Variants in NXPH1 observed in about 807,000 individuals in gnomAD.
NXPH1 encodes neurexophilin-1.
Under a neutral mutation model 23.7 loss-of-function variants are expected in NXPH1, and 5 were observed. That is an observed-to-expected ratio of 0.21 (90% confidence interval 0.11 to 0.44). The LOEUF (loss-of-function observed/expected upper bound fraction) is 0.44, where lower values mean the gene tolerates loss of function less well. Among genes scored for constraint, NXPH1 ranks in the 20% least tolerant of loss-of-function variants. The probability of loss-of-function intolerance (pLI) is 0.99; values close to 1 mark genes in which losing one functional copy is unlikely to be tolerated. For synonymous variants in NXPH1, 144 were observed against 122.2 expected (o/e 1.18, Z -1.18); for missense variants, 324 against 321.6 (o/e 1.01, Z -0.06).
intron 2 of NXPH1, among the ~76,000 whole-genome samples, chr7:8,597,112 T>C (rs1045617598): frequency 6.6e-6 from 1 of 152,028 alleles, no homozygotes; most frequent in Non-Finnish European, 1.5e-5. Context: ...TATAAGAGAT[T>C]TGCTACTACA....
At chr7:8,640,313 G>A (rs1195432387) in intron 2 of NXPH1, among the ~76,000 whole-genome samples, 1 of 151,768 alleles carries the variant, frequency 6.6e-6, no homozygotes, top group African/African-American at 2.4e-5. Context: ...TATATGGGGT[G>A]GAAATCAGAA....
At chr7:8,653,991 C>A (rs1820532093) in intron 2 of NXPH1, among the ~76,000 whole-genome samples, 3 of 152,148 alleles carry the variant, frequency 2.0e-5, no homozygotes, top group Admixed American at 6.6e-5. Flanking sequence ...TGTGGAAGTT[C>A]AGAGATAATT....
At chr7:8,577,678 C>T (rs1204095671) in intron 2 of NXPH1, among the ~76,000 whole-genome samples, 2 of 152,172 alleles carry the variant, frequency 1.3e-5, no homozygotes, top group Non-Finnish European at 2.9e-5. Flanking sequence ...GTGCTCCTTA[C>T]CGCCTGATAC....
At chr7:8,717,496 A>C (rs192156684) in intron 2 of NXPH1, among the ~76,000 whole-genome samples, 270 of 152,288 alleles carry the variant, frequency 1.8e-3, no homozygotes, top group African/African-American at 5.9e-3. Flanking sequence ...TGTATCTAAG[A>C]TTCCTGAAGC....
At chr7:8,491,731 T>C (rs1272422161) in intron 2 of NXPH1, among the ~76,000 whole-genome samples, 2 of 152,052 alleles carry the variant, frequency 1.3e-5, no homozygotes, top group Admixed American at 1.3e-4. Flanking sequence ...CACAGTACTT[T>C]TCAAGTCTTG....
chr7:8,478,539 T>C (rs1365591353), intron 2 of NXPH1, among the ~76,000 whole-genome samples: 3 of 151,902 alleles, frequency 2.0e-5, no homozygotes, highest in Admixed American at 2.0e-4. Context: ...CCAACATAAG[T>C]ATAATGGAAA....
intron 2 of NXPH1, among the ~76,000 whole-genome samples, chr7:8,670,537 T>C (rs959544330): frequency 6.6e-6 from 1 of 152,084 alleles, no homozygotes; most frequent in Non-Finnish European, 1.5e-5. Context: ...TCTGCCAACA[T>C]GTCCAAGTCC....
intron 2 of NXPH1, among the ~76,000 whole-genome samples, chr7:8,538,209 T>C (rs1818058806): frequency 6.6e-6 from 1 of 151,952 alleles, no homozygotes; most frequent in African/African-American, 2.4e-5. Flanking sequence ...TTAAATGTCA[T>C]GTGACTTGCC....
intron 2 of NXPH1, among the ~76,000 whole-genome samples, chr7:8,717,321 CA>C (rs1779893608): frequency 6.6e-6 from 1 of 151,988 alleles, no homozygotes; most frequent in Non-Finnish European, 1.5e-5. Context: ...GGGCTCAAAA[CA>C]AGAAGGATTT....
chr7:8,732,177 G>A (rs1285963056), intron 2 of NXPH1, among the ~76,000 whole-genome samples: 3 of 152,228 alleles, frequency 2.0e-5, no homozygotes, highest in Non-Finnish European at 2.9e-5. Flanking sequence ...CCTGAGTGAG[G>A]CAATGCCTCG....
intron 2 of NXPH1, among the ~76,000 whole-genome samples, chr7:8,491,439 C>T: frequency 6.6e-6 from 1 of 151,984 alleles, no homozygotes; most frequent in East Asian, 1.9e-4. Context: ...GAAATCAAGA[C>T]AGTAAGGTTT....
chr7:8,488,298 A>G (rs562232968), intron 2 of NXPH1, among the ~76,000 whole-genome samples: 10 of 152,164 alleles, frequency 6.6e-5, no homozygotes, highest in African/African-American at 1.9e-4. Flanking sequence ...ATACACATTT[A>G]TGTATGACCA....
Position 8,666,112 on chromosome 7 carries a change from C to T in NXPH1, c.55-84896C>T, listed in dbSNP as rs909816370. 2.6e-5 allele frequency among the ~76,000 whole-genome samples: 4 copies of T among 151,800 alleles called. No individual in the cohort carries two copies. The Middle Eastern group carries it at 0.01, about 387-fold the overall frequency. Reference sequence around the variant, plus strand: ...GAAAAATGTGGGAAGAGTGGGCCTCCTTGCCTTGTTCTTGATCATAGATAA... The same window carrying T: ...GAAAAATGTGGGAAGAGTGGGCCTCTTTGCCTTGTTCTTGATCATAGATAA... On this transcript the variant is annotated intron_variant, in intron 2 of 2. Transcript: ENST00000405863.
intron 2 of NXPH1, among the ~76,000 whole-genome samples, chr7:8,613,420 A>T (rs1164924204): frequency 6.6e-6 from 1 of 152,032 alleles, no homozygotes; most frequent in Non-Finnish European, 1.5e-5. Flanking sequence ...CCATGGGTTC[A>T]TCAAAAACAA....
intron 2 of NXPH1, among the ~76,000 whole-genome samples, chr7:8,498,106 T>C (rs929450433): frequency 2.6e-5 from 4 of 152,132 alleles, no homozygotes; most frequent in African/African-American, 9.6e-5. Flanking sequence ...TGAGCTAATA[T>C]CTGTGAAAAT....
intron 2 of NXPH1, among the ~76,000 whole-genome samples, chr7:8,707,674 A>G (rs986156699): frequency 1.5e-4 from 23 of 152,148 alleles, no homozygotes; most frequent in Non-Finnish European, 2.9e-5. Flanking sequence ...AGTAAGACAT[A>G]TGAGAGATGA....
At chr7:8,454,246 A>G (rs1405038188) in intron 2 of NXPH1, among the ~76,000 whole-genome samples, 3 of 152,144 alleles carry the variant, frequency 2.0e-5, no homozygotes, top group Non-Finnish European at 4.4e-5. Context: ...AAGTTTAAAA[A>G]AGGAATTTGT....
intron 2 of NXPH1, among the ~76,000 whole-genome samples, chr7:8,571,547 TAAGA>T (rs1818647964): frequency 6.6e-6 from 1 of 151,742 alleles, no homozygotes; most frequent in South Asian, 2.1e-4. Context: ...AGGAAAATCT[TAAGA>T]AAGCGGTTAT....
intron 2 of NXPH1, among the ~76,000 whole-genome samples, chr7:8,453,062 C>A (rs1816533987): frequency 6.6e-6 from 1 of 151,922 alleles, no homozygotes; most frequent in Admixed American, 6.6e-5. Flanking sequence ...GAATTTCACT[C>A]CAGTTTGGAA....
Sources: allele counts gnomAD v4.1 joint callset (sites outside exome capture counted in the v4.1 genomes callset), GRCh38; gene constraint gnomAD v4.1.1; transcripts MANE v1.5; gene names NCBI Gene and HGNC (gene_info 2026-07-23, HGNC 2026-07-21).